The following PACS1 variants were observed in gnomAD, a reference collection of about 807,000 sequenced individuals.
PACS1 encodes the protein phosphofurin acidic cluster sorting protein 1, also known as PACS-1.
A neutral mutation model predicts 115.0 loss-of-function variants in PACS1; 24 were observed. That is an observed-to-expected ratio of 0.21 (90% CI 0.15 to 0.29). PACS1 has a LOEUF of 0.29. Ranked by LOEUF, PACS1 falls within the 10% of genes least tolerant of loss-of-function variation. The pLI, the probability that PACS1 is intolerant of heterozygous loss-of-function variation, is 1.00. For missense variants in PACS1, 838 were observed against 1,251.2 expected (o/e 0.67, Z 4.98); for synonymous variants, 453 against 504.5 (o/e 0.90, Z 1.37).
chr11:66,214,706 C>T (rs1456813826), intron 4 of PACS1, among the ~76,000 whole-genome samples: 2 of 148,090 alleles, frequency 1.4e-5, no homozygotes, highest in African/African-American at 2.5e-5. Flanking sequence ...ACTACAGCCT[C>T]GACTTCCTGG....
chr11:66,110,045 A>G (rs1858150808), intron 1 of PACS1, among the ~76,000 whole-genome samples: 1 of 152,176 alleles, frequency 6.6e-6, no homozygotes, highest in Non-Finnish European at 1.5e-5. Context: ...GGACACACAT[A>G]ACATTAAATT....
Position 66,221,254 on chromosome 11 carries a change from G to C in PACS1, c.1293+7G>C. 6.2e-7 allele frequency: 1 copy of C among 1,613,290 alleles called. No homozygotes were observed. ...AAAAGACACCACCAGCCCTGTGAGC[G>C]CAACCGCGACTGCGGGGCGGGGTGG... On this transcript the variant is annotated splice_region_variant and intron_variant, in intron 10 of 23. Transcript: ENST00000320580.
At chr11:66,237,961 C>A in intron 19 of PACS1, 1 of 641,452 alleles carries the variant, frequency 1.6e-6, no homozygotes, top group Non-Finnish European at 1.9e-6. Context: ...TTCGCCCCAT[C>A]AGGGTCCAGC....
Position 66,070,372 on chromosome 11 carries a change from C to CG in PACS1, c.-114dup. 1 of 537,370 alleles carries CG rather than the reference C, an allele frequency of 1.9e-6. No homozygotes were observed. Among genetic ancestry groups the CG allele is most frequent in the East Asian group, 4.9e-5 (1 of 20,510 alleles). The allele number at this position is 537,370 out of a possible 1,614,324, so 33.3% of individuals were successfully genotyped here. A position where few individuals can be genotyped will look rare whatever the true frequency, so the allele number is the denominator to read the frequency against. ...GTGCGTGCAGCTCGCTGGCTGCTCG[C>CG]GCTCGGGCAGGCGGGCTGAGGAGGC... On this transcript the variant is annotated 5_prime_UTR_variant, in exon 1 of 24. Transcript: ENST00000320580. The surrounding 1 kb of genome is among the most constrained non-coding windows in gnomAD (Gnocchi z 5.9).
intron 1 of PACS1, among the ~76,000 whole-genome samples, chr11:66,081,004 G>A (rs1336896739): frequency 6.6e-6 from 1 of 152,144 alleles, no homozygotes; most frequent in African/African-American, 2.4e-5. Context: ...TGAGGTGGAA[G>A]GATTGCTTGA....
intron 1 of PACS1, among the ~76,000 whole-genome samples, chr11:66,172,110 T>C (rs1590795266): frequency 6.6e-6 from 1 of 152,248 alleles, no homozygotes; most frequent in East Asian, 1.9e-4. Context: ...TCTTGTTTTA[T>C]AAAAGCAATG....
chr11:66,127,326 C>T (rs1858602780), intron 1 of PACS1, among the ~76,000 whole-genome samples: 2 of 152,188 alleles, frequency 1.3e-5, no homozygotes, highest in Admixed American at 6.5e-5. Context: ...CCTGCTTCAC[C>T]GTTCCTGTTT....
chr11:66,151,732 TACTC>T (rs779271738), intron 1 of PACS1, among the ~76,000 whole-genome samples: 5 of 152,234 alleles, frequency 3.3e-5, no homozygotes, highest in Non-Finnish European at 7.3e-5. Flanking sequence ...GTCTAACTCA[TACTC>T]AGGAAGAAAA....
chr11:66,226,365 T>C (rs1444043797), intron 10 of PACS1, among the ~76,000 whole-genome samples: 1 of 152,168 alleles, frequency 6.6e-6, no homozygotes, highest in African/African-American at 2.4e-5. Flanking sequence ...GCAGGGGTTC[T>C]CAACTGGGGA....
chr11:66,098,497 C>A (rs1340679187), intron 1 of PACS1, among the ~76,000 whole-genome samples: 1 of 152,200 alleles, frequency 6.6e-6, no homozygotes, highest in East Asian at 1.9e-4. Flanking sequence ...TATGCACATG[C>A]TATCCTAGCA....
intron 1 of PACS1, among the ~76,000 whole-genome samples, chr11:66,092,286 T>C (rs1857680770): frequency 6.6e-6 from 1 of 152,144 alleles, no homozygotes; most frequent in Non-Finnish European, 1.5e-5. Context: ...TGGTGAGCAT[T>C]TTTTCATGTC....
chr11:66,099,474 T>C (rs1857863864), intron 1 of PACS1, among the ~76,000 whole-genome samples: 1 of 152,120 alleles, frequency 6.6e-6, no homozygotes, highest in Non-Finnish European at 1.5e-5. Context: ...TCCACCCTCC[T>C]CGGCCTCCCA....
At chr11:66,138,125 T>G (rs542968490) in intron 1 of PACS1, among the ~76,000 whole-genome samples, 1 of 150,914 alleles carries the variant, frequency 6.6e-6, no homozygotes, top group African/African-American at 2.5e-5. Context: ...AGTATCACAC[T>G]CTGTCACTCA....
chr11:66,189,337 A>G (rs775640112), intron 1 of PACS1, among the ~76,000 whole-genome samples: 2 of 152,232 alleles, frequency 1.3e-5, no homozygotes, highest in Non-Finnish European at 2.9e-5. Flanking sequence ...TACCTAAGGT[A>G]CTAAATCTTT....
rs1857288767 is a variant in PACS1 at position 66,070,552 on chromosome 11, A to G, written c.66A>G (p.Gly22=). The G allele has an allele frequency of 1.4e-6, 2 of 1,414,166 alleles. No homozygotes were observed. Among genetic ancestry groups the G allele is most frequent in the South Asian group, 2.9e-5 (2 of 68,438 alleles). The allele number at this position is 1,414,166 out of a possible 1,614,324, so 87.6% of individuals were successfully genotyped here. ...CCGGGGGCGGCAGCGGCCAGCGGGG[A>G]TCCGGGGTCGCCCAGTCCCCTCAGC... is the stretch of plus-strand genomic sequence containing the variant. ...GGAGGGSGQR[G]SGVAQSPQQP... is the part of the protein sequence containing the mutation. The change falls in exon 1 of 24, where the codon GGA becomes GGG. Residue 22 remains glycine (G), a synonymous_variant. Coordinates refer to ENST00000320580, the MANE Select transcript of PACS1 (RefSeq NM_018026.4). The surrounding 1 kb of genome is among the most constrained non-coding windows in gnomAD (Gnocchi z 5.9).
intron 1 of PACS1, among the ~76,000 whole-genome samples, chr11:66,099,605 G>A (rs1434450313): frequency 3.3e-5 from 5 of 151,470 alleles, no homozygotes; most frequent in African/African-American, 7.3e-5. Flanking sequence ...GAGTACAGTC[G>A]CTCGATATCA....
chr11:66,101,411 A>AT (rs1338515689), intron 1 of PACS1, among the ~76,000 whole-genome samples: 1 of 152,182 alleles, frequency 6.6e-6, no homozygotes, highest in Non-Finnish European at 1.5e-5. Flanking sequence ...ATTGAAACTA[A>AT]TTTTTGCATC....
At chr11:66,230,042 G>A (rs1418430641) in intron 11 of PACS1, among the ~76,000 whole-genome samples, 1 of 150,202 alleles carries the variant, frequency 6.7e-6, no homozygotes, top group African/African-American at 2.5e-5. Flanking sequence ...AGTGTGGCCA[G>A]AGCGGGACAC....
intron 4 of PACS1, 28 bp from the exon 5 acceptor site, chr11:66,216,091 C>A: frequency 6.2e-7 from 1 of 1,612,490 alleles, no homozygotes; most frequent in Non-Finnish European, 8.5e-7. Context: ...TGTAGTAACA[C>A]GCCTCCACCA....
Sources: gnomAD v4.1 joint callset for allele counts (sites outside exome capture counted in the v4.1 genomes callset) on GRCh38, gnomAD v4.1.1 for gene constraint, Gnocchi (gnomAD v3.1) non-coding constraint, MANE v1.5 for transcripts, NCBI Gene and HGNC (gene_info 2026-07-23, HGNC 2026-07-21) for gene names.